The following KCNQ5 variants were observed in gnomAD, a reference collection of about 807,000 sequenced individuals.
KCNQ5 encodes potassium voltage-gated channel subfamily KQT member 5.
KCNQ5 carries 30 observed loss-of-function variants against 98.2 expected under a neutral mutation model. The ratio of observed to expected loss-of-function variants is 0.31; its 90% CI spans 0.23 to 0.41. KCNQ5 has a LOEUF of 0.41. Among genes scored for constraint, KCNQ5 ranks in the 10% least tolerant of loss-of-function variants. The pLI is 1.00. For missense variants in KCNQ5, 835 were observed against 1,182.5 expected, an observed-to-expected ratio of 0.71 and a Z score of 4.31; for synonymous variants, 458 against 449.4, an observed-to-expected ratio of 1.02 and a Z score of -0.24.
intron 2 of KCNQ5, among the ~76,000 whole-genome samples, chr6:73,017,386 G>T (rs1163525454): frequency 6.6e-6 from 1 of 152,086 alleles, no homozygotes; most frequent in African/African-American, 2.4e-5. Flanking sequence ...CAAATGAGAT[G>T]ATCAAAAACT....
At chr6:72,759,118 T>TGCCTG (rs1772123665) in intron 1 of KCNQ5, among the ~76,000 whole-genome samples, 2 of 152,204 alleles carry the variant, frequency 1.3e-5, no homozygotes, top group South Asian at 4.1e-4. Flanking sequence ...CAGGTGAAGC[T>TGCCTG]GCCTGTCTAT....
intron 10 of KCNQ5, among the ~76,000 whole-genome samples, chr6:73,148,773 A>G (rs1054233568): frequency 5.3e-5 from 8 of 152,194 alleles, no homozygotes; most frequent in African/African-American, 1.9e-4. Flanking sequence ...TAAGTGAGAA[A>G]ACAACAACAG....
chr6:72,905,370 A>G (rs1022300807), intron 1 of KCNQ5, among the ~76,000 whole-genome samples: 2 of 152,082 alleles, frequency 1.3e-5, no homozygotes, highest in African/African-American at 4.8e-5. Flanking sequence ...GAATTCTTTT[A>G]CAGGTAAATC....
rs187853367 is a variant in KCNQ5 at position 72,732,288 on chromosome 6, G to A, written c.398+109701G>A. 1.8e-3 allele frequency among the ~76,000 whole-genome samples: 270 copies of A among 152,234 alleles called. 4 individuals are homozygous for A. The highest frequency in any genetic ancestry group is 1.4e-3 in the East Asian group (7 of 5,160). On this transcript the variant is annotated intron_variant, in intron 1 of 13. Transcript: ENST00000370398. Reference sequence around the variant, plus strand: ...GGACTACATATTACAGGAACCTGAGGAAGCCTGAGTAGGGGAGTAGCATTA... The same window carrying A: ...GGACTACATATTACAGGAACCTGAGAAAGCCTGAGTAGGGGAGTAGCATTA...
intron 1 of KCNQ5, among the ~76,000 whole-genome samples, chr6:72,795,127 G>A (rs1324616453): frequency 2.6e-5 from 4 of 152,082 alleles, no homozygotes; most frequent in Non-Finnish European, 4.4e-5. Flanking sequence ...ATTCTAATCC[G>A]AGCAAAACAA....
intron 1 of KCNQ5, among the ~76,000 whole-genome samples, chr6:72,867,261 A>C (rs1351670303): frequency 6.6e-6 from 1 of 152,220 alleles, no homozygotes; most frequent in Non-Finnish European, 1.5e-5. Context: ...CTCTTTAAAA[A>C]AGTAATTGTA....
intron 1 of KCNQ5, among the ~76,000 whole-genome samples, chr6:72,853,794 T>C (rs1024838586): frequency 6.6e-6 from 1 of 152,190 alleles, no homozygotes; most frequent in Non-Finnish European, 1.5e-5. Flanking sequence ...AATTCATCAG[T>C]AGTACCCTTT....
At chr6:72,966,839 C>T (rs1167872182) in intron 1 of KCNQ5, among the ~76,000 whole-genome samples, 1 of 152,142 alleles carries the variant, frequency 6.6e-6, no homozygotes, top group Non-Finnish European at 1.5e-5. Flanking sequence ...CAATAACTGG[C>T]ACATATGGTT....
Position 73,051,401 on chromosome 6 carries a change from C to T in KCNQ5, c.616+9339C>T, listed in dbSNP as rs185936322. 2.3e-4 allele frequency among the ~76,000 whole-genome samples: 35 copies of T among 152,304 alleles called. 1 individual carries two copies. The East Asian group carries it at 2.9e-3, about 13-fold the overall frequency. On this transcript the variant is annotated intron_variant, in intron 3 of 13. Coordinates refer to ENST00000370398, the MANE Select transcript of KCNQ5 (RefSeq NM_019842.4). ...CTTGCTCTTGGCACTGCTCTTGGCACTTACAAATGAGCACAGATCCTGCTG... is the reference window on the plus strand; with the variant it reads ...CTTGCTCTTGGCACTGCTCTTGGCATTTACAAATGAGCACAGATCCTGCTG...
intron 2 of KCNQ5, 127 bp from the exon 3 acceptor site, chr6:73,041,809 T>A: frequency 2.0e-6 from 2 of 1,023,010 alleles, no homozygotes; most frequent in East Asian, 2.4e-5. Flanking sequence ...GAAATGTTCT[T>A]AACTTTAGAT....
At chr6:72,690,660 A>G (rs1366525623) in intron 1 of KCNQ5, among the ~76,000 whole-genome samples, 2 of 152,016 alleles carry the variant, frequency 1.3e-5, no homozygotes, top group Non-Finnish European at 2.9e-5. Context: ...CTGTTCCCCC[A>G]ACTGCATACA....
intron 1 of KCNQ5, among the ~76,000 whole-genome samples, chr6:72,827,832 T>C (rs1776069403): frequency 6.6e-6 from 1 of 152,076 alleles, no homozygotes; most frequent in Admixed American, 6.6e-5. Flanking sequence ...GTTTCTCATA[T>C]GTTTTCTCCT....
chr6:73,104,150 GAAGA>G (rs1774910209), intron 5 of KCNQ5, among the ~76,000 whole-genome samples: 1 of 151,896 alleles, frequency 6.6e-6, no homozygotes, highest in African/African-American at 2.4e-5. Context: ...AATAAGAAAG[GAAGA>G]AAGGAAATTT....
chr6:72,839,916 G>A (rs1776710984), intron 1 of KCNQ5, among the ~76,000 whole-genome samples: 1 of 152,108 alleles, frequency 6.6e-6, no homozygotes, highest in East Asian at 1.9e-4. Context: ...CAGTGCATGG[G>A]TGGTTCGGTG....
chr6:72,897,346 G>A (rs547185293), intron 1 of KCNQ5, among the ~76,000 whole-genome samples: 2 of 152,134 alleles, frequency 1.3e-5, no homozygotes, highest in East Asian at 3.9e-4. Flanking sequence ...TTTGAGACCA[G>A]CCTGCCAATA....
At chr6:73,123,362 T>C (rs535701891) in intron 8 of KCNQ5, among the ~76,000 whole-genome samples, 2 of 152,222 alleles carry the variant, frequency 1.3e-5, no homozygotes, top group South Asian at 4.1e-4. Flanking sequence ...GTTACTGTTA[T>C]CATTAAAAAA....
chr6:73,042,603 G>T (rs752307109), intron 3 of KCNQ5, among the ~76,000 whole-genome samples: 4 of 152,166 alleles, frequency 2.6e-5, no homozygotes, highest in Admixed American at 1.3e-4. Context: ...TAATGCATTG[G>T]TAACTGTAGA....
intron 1 of KCNQ5, among the ~76,000 whole-genome samples, chr6:72,682,494 A>C (rs920552714): frequency 8.6e-5 from 13 of 151,050 alleles, no homozygotes; most frequent in African/African-American, 3.2e-4. Context: ...GCTTCCTTTC[A>C]TTCTGCTTTT....
intron 1 of KCNQ5, among the ~76,000 whole-genome samples, chr6:72,893,403 G>T (rs1446650047): frequency 6.6e-6 from 1 of 152,170 alleles, no homozygotes; most frequent in African/African-American, 2.4e-5. Context: ...AGGAAACCTG[G>T]CTGTCTTCAA....
Sources: allele counts gnomAD v4.1 joint callset (sites outside exome capture counted in the v4.1 genomes callset), GRCh38; gene constraint gnomAD v4.1.1; transcripts MANE v1.5; gene names NCBI Gene and HGNC (gene_info 2026-07-23, HGNC 2026-07-21).